The following ACACA variants were observed in gnomAD, a reference collection of about 807,000 sequenced individuals.
ACACA encodes the protein acetyl-CoA carboxylase alpha, also known as acetyl-CoA carboxylase 1.
ACACA carries 103 observed loss-of-function variants against 296.1 expected under a neutral mutation model. The observed-to-expected ratio is 0.35, with a 90% CI of 0.30 to 0.41. The LOEUF is 0.41. ACACA is among the 10% of genes least tolerant of loss of function. The pLI, the probability that ACACA is intolerant of heterozygous loss-of-function variation, is 1.00. For synonymous variants in ACACA, 953 were observed against 1,038.6 expected (o/e 0.92, Z 1.58); for missense variants, 1,554 against 2,989.7 (o/e 0.52, Z 11.20).
chr17:37,089,264 T>A (rs2072444352), intron 54 of ACACA, among the ~76,000 whole-genome samples, 190 bp from the exon 55 acceptor site: 1 of 152,148 alleles, frequency 6.6e-6, no homozygotes, highest in Non-Finnish European at 1.5e-5. Flanking sequence ...CTCCTTCTCT[T>A]CCTTTATGGA....
chr17:37,111,152 C>T (rs1195159633), intron 52 of ACACA, among the ~76,000 whole-genome samples: 4 of 152,042 alleles, frequency 2.6e-5, no homozygotes, highest in Non-Finnish European at 5.9e-5. Flanking sequence ...TCCCATCTCT[C>T]AGAAATGAAG....
chr17:37,222,386 G>T (rs1421710992), intron 28 of ACACA, among the ~76,000 whole-genome samples: 1 of 152,038 alleles, frequency 6.6e-6, no homozygotes, highest in Non-Finnish European at 1.5e-5. Flanking sequence ...TAAGGCATAA[G>T]CAGTAAGACA....
chr17:37,360,266 C>T (rs2049353211), intron 1 of ACACA: 1 of 152,186 alleles, frequency 6.6e-6, no homozygotes, highest in Non-Finnish European at 1.5e-5. Context: ...TTAATGCTTA[C>T]AAACTTGTGA....
rs140572865 is a variant in ACACA at position 37,093,094 on chromosome 17, C to T, written c.6891+3902G>A. ...TCTACCTTACCTCCTCCCTGCCTGG[C>T]CCTGTGTGAGAAGTTTGGTGTATGA... On this transcript the variant is annotated intron_variant, in intron 54 of 55. Coordinates refer to ENST00000616317, the MANE Select transcript of ACACA (RefSeq NM_198834.3). Among the ~76,000 whole-genome samples the T allele has an allele frequency of 6.4e-3, 968 of 152,280 alleles. 5 individuals carry two copies. The highest frequency in any genetic ancestry group is 9.8e-3 in the Non-Finnish European group (668 of 68,030).
chr17:37,272,373 G>A (rs1428784291), intron 9 of ACACA, among the ~76,000 whole-genome samples: 2 of 152,062 alleles, frequency 1.3e-5, no homozygotes, highest in Non-Finnish European at 2.9e-5. Context: ...GTATCACCCA[G>A]AAAAAGAACA....
chr17:37,228,687 G>A (rs1031453674), intron 25 of ACACA, among the ~76,000 whole-genome samples: 8 of 152,066 alleles, frequency 5.3e-5, no homozygotes, highest in African/African-American at 1.2e-4. Flanking sequence ...GTTCTTAATA[G>A]AGCAAACATA....
At chr17:37,353,699 T>C (rs2049009204) in intron 1 of ACACA, among the ~76,000 whole-genome samples, 1 of 146,534 alleles carries the variant, frequency 6.8e-6, no homozygotes. Flanking sequence ...AAGAGTATTA[T>C]ACTCTATTTC....
At chr17:37,131,920 A>T (rs2075116437) in intron 45 of ACACA, among the ~76,000 whole-genome samples, 2 of 152,222 alleles carry the variant, frequency 1.3e-5, no homozygotes, top group South Asian at 4.1e-4. Context: ...AGCCTCGTGA[A>T]GAGGGAAGAC....
chr17:37,339,121 G>A (rs1030037938), intron 2 of ACACA, among the ~76,000 whole-genome samples: 2 of 152,190 alleles, frequency 1.3e-5, no homozygotes, highest in Non-Finnish European at 2.9e-5. Context: ...AAATAGTTAA[G>A]TTTAAAAGTA....
chr17:37,152,117 G>C (rs1370880320), intron 43 of ACACA, among the ~76,000 whole-genome samples: 1 of 152,128 alleles, frequency 6.6e-6, no homozygotes, highest in Non-Finnish European at 1.5e-5. Context: ...TTAAATCCTT[G>C]CTCTGATACA....
chr17:37,298,528 G>A (rs181983053), intron 3 of ACACA, among the ~76,000 whole-genome samples: 1,584 of 151,236 alleles, frequency 0.01, 32 homozygotes, highest in African/African-American at 0.035. Context: ...CAAAAAACTT[G>A]AAAAAAAAAT....
rs371327446 is a variant in ACACA at position 37,150,109 on chromosome 17, A to AAC, written c.5569-137_5569-136dup. 2.1e-3 allele frequency: 1,569 copies of AAC among 763,214 alleles called. 3 individuals carry two copies. The highest frequency in any genetic ancestry group is 2.9e-3 in the Admixed American group (123 of 43,018). 47.3% of individuals were successfully genotyped at this position (763,214 alleles called of 1,614,324 possible). On this transcript the variant is annotated intron_variant, in intron 44 of 55. Coordinates refer to ENST00000616317, the MANE Select transcript of ACACA (RefSeq NM_198834.3). ...TTATGAAGTCTATTTGATTGACAACAACACACACACACAAATTTCATGGTC... is the reference window on the plus strand; with the variant it reads ...TTATGAAGTCTATTTGATTGACAACAACACACACACACACAAATTTCATGGTC...
At chr17:37,241,813 A>T (rs1342031008) in intron 23 of ACACA, 140 bp downstream of exon 23, 1 of 691,966 alleles carries the variant, frequency 1.4e-6, no homozygotes, top group Non-Finnish European at 2.6e-6. Context: ...ATATTTAGAA[A>T]AGACAAGGTA....
chr17:37,121,292 C>T, intron 50 of ACACA, 63 bp downstream of exon 50: 1 of 1,610,780 alleles, frequency 6.2e-7, no homozygotes, highest in Non-Finnish European at 8.5e-7. Flanking sequence ...TCTATACCCT[C>T]CCTCTGCCGC....
At chr17:37,240,711 A>G in intron 23 of ACACA, 147 bp from the exon 24 acceptor site, 1 of 689,802 alleles carries the variant, frequency 1.4e-6, no homozygotes, top group Non-Finnish European at 2.5e-6. Context: ...TACAAAATTA[A>G]CTTAAATTCT....
At chr17:37,363,054 A>T (rs2049467602) in intron 1 of ACACA, among the ~76,000 whole-genome samples, 1 of 148,494 alleles carries the variant, frequency 6.7e-6, no homozygotes, top group Non-Finnish European at 1.5e-5. Flanking sequence ...TTTTAATCAC[A>T]ACTACTCACT....
intron 3 of ACACA, among the ~76,000 whole-genome samples, chr17:37,305,880 G>A (rs979729624): frequency 4.0e-5 from 6 of 150,620 alleles, no homozygotes; most frequent in Non-Finnish European, 5.9e-5. Context: ...ACTGTTTTAC[G>A]GAATTTTAGC....
At chr17:37,373,356 T>C (rs759959987) in intron 1 of ACACA, among the ~76,000 whole-genome samples, 3 of 152,028 alleles carry the variant, frequency 2.0e-5, no homozygotes, top group African/African-American at 7.3e-5. Context: ...CAAATGATTC[T>C]CCTGTCTCAG....
chr17:37,139,038 A>C (rs2075447740), intron 45 of ACACA, among the ~76,000 whole-genome samples: 1 of 152,118 alleles, frequency 6.6e-6, no homozygotes, highest in Non-Finnish European at 1.5e-5. Flanking sequence ...GTTGGGGGAG[A>C]AGAAAGGCTG....
Sources: allele counts gnomAD v4.1 joint callset (sites outside exome capture counted in the v4.1 genomes callset), GRCh38; gene constraint gnomAD v4.1.1; transcripts MANE v1.5; gene names NCBI Gene and HGNC (gene_info 2026-07-23, HGNC 2026-07-21).